The following HFM1 variants were observed in gnomAD, a reference collection of about 807,000 sequenced individuals.
HFM1 encodes helicase for meiosis 1.
HFM1 carries 169 observed loss-of-function variants against 192.1 expected under a neutral mutation model. The ratio of observed to expected loss-of-function variants is 0.88; its 90% CI spans 0.78 to 1.00. HFM1 has a LOEUF of 1.00. Ranked by LOEUF, HFM1 falls within the 50% of genes least tolerant of loss-of-function variation. The pLI, the probability that HFM1 is intolerant of heterozygous loss-of-function variation, is 0.00. For synonymous variants in HFM1, 525 were observed against 537.8 expected (o/e 0.98, Z 0.33); for missense variants, 1,661 against 1,668.0 (o/e 1.00, Z 0.07).
chr1:91,273,071 A>G (rs1177652249), intron 34 of HFM1, among the ~76,000 whole-genome samples: 1 of 152,092 alleles, frequency 6.6e-6, no homozygotes, highest in Non-Finnish European at 1.5e-5. Flanking sequence ...CAGGAACCAG[A>G]GTAATGATGA....
At chr1:91,333,736 A>G (rs1654159077) in intron 20 of HFM1, among the ~76,000 whole-genome samples, 1 of 152,186 alleles carries the variant, frequency 6.6e-6, no homozygotes, top group Non-Finnish European at 1.5e-5. Context: ...AAATATATAT[A>G]CTTACCATTT....
chr1:91,314,127 C>A, intron 28 of HFM1, 67 bp from the exon 29 acceptor site: 1 of 931,760 alleles, frequency 1.1e-6, no homozygotes, highest in Non-Finnish European at 1.7e-6. Flanking sequence ...TCTTGAAGGG[C>A]TGATTGTTCT....
At chr1:91,300,243 G>A (rs1301425494) in intron 30 of HFM1, among the ~76,000 whole-genome samples, 1 of 151,878 alleles carries the variant, frequency 6.6e-6, no homozygotes, top group African/African-American at 2.4e-5. Flanking sequence ...GGAAGAAGCT[G>A]AATCTCTGAA....
chr1:91,342,482 C>G (rs1268234092), intron 20 of HFM1, among the ~76,000 whole-genome samples: 2 of 152,112 alleles, frequency 1.3e-5, no homozygotes, highest in Non-Finnish European at 2.9e-5. Flanking sequence ...TTTGAATGAA[C>G]AGGCTTTGCT....
chr1:91,368,294 G>A (rs992917899), intron 13 of HFM1, among the ~76,000 whole-genome samples: 1 of 152,162 alleles, frequency 6.6e-6, no homozygotes, highest in East Asian at 1.9e-4. Context: ...ACACATAATT[G>A]TCAGATTCAC....
intron 30 of HFM1, among the ~76,000 whole-genome samples, chr1:91,289,052 C>A (rs892009071): frequency 6.6e-6 from 1 of 151,606 alleles, no homozygotes; most frequent in African/African-American, 2.4e-5. Context: ...GGGGCTGCCC[C>A]CCACCTCCCG....
At chr1:91,281,758 G>A (rs368154595) in intron 30 of HFM1, among the ~76,000 whole-genome samples, 8 of 152,014 alleles carry the variant, frequency 5.3e-5, no homozygotes, top group Non-Finnish European at 8.8e-5. Flanking sequence ...ACAGGGTCTC[G>A]CTCTGTCACC....
At chr1:91,271,764 C>T (rs1570730652) in intron 34 of HFM1, among the ~76,000 whole-genome samples, 1 of 152,224 alleles carries the variant, frequency 6.6e-6, no homozygotes, top group Admixed American at 6.5e-5. Context: ...AGTTCATATA[C>T]TACTGGTTCA....
chr1:91,376,496 C>G (rs282035), intron 11 of HFM1, among the ~76,000 whole-genome samples: 151,939 of 152,120 alleles, frequency 1, 75,879 homozygotes, highest in Non-Finnish European at 1. Flanking sequence ...AGCATTCACA[C>G]AAGTAGTGTT....
In HFM1 at chr1:91,378,081, T is replaced by C. The variant is rs960385276; in HGVS notation, c.1339A>G (p.Thr447Ala). 8.7e-6 allele frequency: 14 copies of C among 1,611,994 alleles called. No homozygotes were observed. The highest frequency in any genetic ancestry group is 1.3e-5 in the African/African-American group (1 of 74,838). The part of the protein sequence containing the change: ...SVSQTLKNTS[T>A]AIPMRFVAVS... ...GCTACAAATCGCATTGGAATAGCAG[T>C]GCTGGTATTTTTTAAAGTCTGAGAA... The change falls in exon 11 of 39, where the codon ACT (threonine) becomes GCT (alanine). Residue 447 changes from threonine (T) to alanine (A), a missense_variant. Transcript: ENST00000370425.
intron 30 of HFM1, among the ~76,000 whole-genome samples, chr1:91,294,852 T>C (rs1647277464): frequency 6.6e-6 from 1 of 152,218 alleles, no homozygotes; most frequent in Admixed American, 6.5e-5. Context: ...CACTTTTATC[T>C]GGTATATACC....
intron 26 of HFM1, 96 bp downstream of exon 26, chr1:91,316,295 A>G: frequency 1.0e-6 from 1 of 998,548 alleles, no homozygotes; most frequent in South Asian, 1.7e-5. Context: ...AAGTAAGTTG[A>G]AATACTTATA....
intron 30 of HFM1, among the ~76,000 whole-genome samples, chr1:91,299,060 C>A (rs1453324408): frequency 1.3e-5 from 2 of 152,082 alleles, no homozygotes; most frequent in Non-Finnish European, 2.9e-5. Context: ...CGTGCAGAGA[C>A]ACATATAGGC....
intron 13 of HFM1, among the ~76,000 whole-genome samples, chr1:91,359,022 C>T (rs1287295623): frequency 1.3e-5 from 2 of 152,146 alleles, no homozygotes; most frequent in Non-Finnish European, 1.5e-5. Flanking sequence ...GGCAGCTCTA[C>T]AGTAGAGTGG....
At chr1:91,337,488 A>C (rs1322512134) in intron 20 of HFM1, among the ~76,000 whole-genome samples, 1 of 152,242 alleles carries the variant, frequency 6.6e-6, no homozygotes, top group Admixed American at 6.5e-5. Flanking sequence ...AAATGAATTA[A>C]TTAGAAATAC....
rs1265332877 is a variant in HFM1 at position 91,378,071 on chromosome 1, G to A, written c.1349C>T (p.Pro450Leu). ...QTLKNTSTAI[P>L]MRFVAVSATI... is the part of the protein sequence containing the mutation. ...TGCAGATACAGCTACAAATCGCATT[G>A]GAATAGCAGTGCTGGTATTTTTTAA... Residue 450 changes from proline to leucine, a missense_variant, in exon 11 of 39, where the codon CCA (proline) becomes CTA (leucine). Transcript: ENST00000370425. 1.2e-6 allele frequency: 2 copies of A among 1,611,748 alleles called. No individual in the cohort carries two copies. Among genetic ancestry groups the A allele is most frequent in the African/African-American group, 1.3e-5 (1 of 74,808 alleles).
chr1:91,316,695 T>C (rs1324054351), intron 25 of HFM1, among the ~76,000 whole-genome samples: 1 of 152,192 alleles, frequency 6.6e-6, no homozygotes, highest in African/African-American at 2.4e-5. Context: ...TGCATTTGCT[T>C]TATAAAAGAA....
chr1:91,404,680 G>A, intron 1 of HFM1, 118 bp downstream of exon 1: 1 of 293,296 alleles, frequency 3.4e-6, no homozygotes, highest in Non-Finnish European at 6.8e-6. Context: ...CTGCCTGCCC[G>A]GCAGACGGCT....
At chr1:91,265,233 G>A (rs1172817864) in intron 36 of HFM1, among the ~76,000 whole-genome samples, 2 of 152,150 alleles carry the variant, frequency 1.3e-5, no homozygotes, top group African/African-American at 4.8e-5. Flanking sequence ...GAGGGCCCTA[G>A]GACACATCTG....
Sources: gnomAD v4.1 joint callset for allele counts (sites outside exome capture counted in the v4.1 genomes callset) on GRCh38, gnomAD v4.1.1 for gene constraint, MANE v1.5 for transcripts, NCBI Gene and HGNC (gene_info 2026-07-23, HGNC 2026-07-21) for gene names.